Variants in PRRT1B observed in about 807,000 individuals in gnomAD.
PRRT1B encodes the protein dispanin subfamily D member 2.
rs1036388001 is a variant in PRRT1B, at chr9:131,546,942, G to A, written c.25+1302G>A. On this transcript the variant is annotated intron_variant, in intron 1 of 3. Coordinates refer to ENST00000636672, the Ensembl canonical transcript of PRRT1B. ...GGAGAGCTGACTCGCTGAGACCCAC[G>A]TTTCTTGCTGGGAGTCTCGGTTCCC... is the stretch of plus-strand genomic sequence containing the variant. Among the ~76,000 whole-genome samples the A allele has an allele frequency of 2.0e-5, 3 of 152,092 alleles. No individual in the cohort carries two copies. The South Asian group carries it at 6.2e-4, about 32-fold the overall frequency.
At chr9:131,547,349 T>C (rs748714699) in intron 1 of PRRT1B, among the ~76,000 whole-genome samples, 2 of 152,136 alleles carry the variant, frequency 1.3e-5, no homozygotes, top group East Asian at 1.9e-4. Flanking sequence ...CTGCCTTAAC[T>C]GATGACATTA....
Position 131,554,849 on chromosome 9 carries a change from CT to C in PRRT1B, c.319del (p.Tyr107ThrfsTer84). ...TCGGCTTCGTTGGGGAGCCCCCGCC[CT>C]ACGCGCCGCCGGACCCCAAGGCCGC... On this transcript the variant is annotated frameshift_variant, in exon 2 of 4. Transcript: ENST00000636672. LOFTEE classifies it high-confidence loss of function. The C allele has an allele frequency of 2.7e-6, 1 of 373,642 alleles. No homozygotes were observed. The highest frequency in any genetic ancestry group is 4.8e-6 in the Non-Finnish European group (1 of 210,066). 23.1% of individuals were successfully genotyped at this position (373,642 alleles called of 1,614,324 possible). A position where few individuals can be genotyped will look rare whatever the true frequency, so the allele number is the denominator to read the frequency against.
chr9:131,550,831 A>G (rs1344761683), intron 1 of PRRT1B, among the ~76,000 whole-genome samples: 2 of 151,744 alleles, frequency 1.3e-5, no homozygotes, highest in African/African-American at 4.8e-5. Flanking sequence ...TTGGGCACTC[A>G]ATTCTGTCCT....
intron 1 of PRRT1B, 38 bp from the exon 2 acceptor site, chr9:131,554,519 G>A (rs1951033259): frequency 2.6e-6 from 1 of 386,752 alleles, no homozygotes; most frequent in South Asian, 1.3e-4. Flanking sequence ...ACCTAGCCCG[G>A]CGGCCTCTTG....
chr9:131,545,540 G>A (rs898872572), exon 1 of PRRT1B: 11 of 395,062 alleles, frequency 2.8e-5, no homozygotes, highest in African/African-American at 1.9e-4. Context: ...AGCCCGCGGC[G>A]CAAGCGGAGC....
intron 1 of PRRT1B, among the ~76,000 whole-genome samples, chr9:131,548,255 C>T (rs1950988514): frequency 6.6e-6 from 1 of 152,094 alleles, no homozygotes; most frequent in African/African-American, 2.4e-5. Flanking sequence ...ATCCCCCACC[C>T]CTTCTCTCCG....
intron 1 of PRRT1B, among the ~76,000 whole-genome samples, chr9:131,547,719 G>A (rs765534771): frequency 6.6e-6 from 1 of 152,048 alleles, no homozygotes; most frequent in African/African-American, 2.4e-5. Flanking sequence ...CTACGACCTC[G>A]GGTCCTCAGA....
At chr9:131,554,628 C>G (rs1223613151) in exon 2 of PRRT1B, 2 of 394,924 alleles carry the variant, frequency 5.1e-6, no homozygotes, top group African/African-American at 2.1e-5. Flanking sequence ...GCCCGCCGCC[C>G]CCGAGGATCC....
At chr9:131,553,774 G>A (rs982782217) in intron 1 of PRRT1B, among the ~76,000 whole-genome samples, 3 of 152,338 alleles carry the variant, frequency 2.0e-5, no homozygotes, top group South Asian at 2.1e-4. Flanking sequence ...GTCAGGGGAG[G>A]CCACTCTGCG....
intron 2 of PRRT1B, among the ~76,000 whole-genome samples, chr9:131,555,249 T>C (rs1951041431): frequency 6.6e-6 from 1 of 151,954 alleles, no homozygotes; most frequent in Admixed American, 6.6e-5. Context: ...CGCACAGGCG[T>C]GGAGGGGCCG....
chr9:131,552,701 C>T (rs371156469), intron 1 of PRRT1B, among the ~76,000 whole-genome samples: 15 of 149,766 alleles, frequency 1.0e-4, no homozygotes, highest in African/African-American at 3.7e-4. Flanking sequence ...GAGACGGAGT[C>T]TCACTCTGTA....
intron 1 of PRRT1B, among the ~76,000 whole-genome samples, chr9:131,553,589 G>A (rs1412691607): frequency 3.3e-5 from 5 of 152,196 alleles, no homozygotes; most frequent in Non-Finnish European, 7.3e-5. Flanking sequence ...GCCTCCACCC[G>A]TGGGGGACTT....
chr9:131,554,491 C>A (rs150634960), intron 1 of PRRT1B, 66 bp from the exon 2 acceptor site: 147 of 370,060 alleles, frequency 4.0e-4, no homozygotes, highest in African/African-American at 2.8e-3. Context: ...GTGGGAACTG[C>A]GGGACCAGCG....
intron 1 of PRRT1B, among the ~76,000 whole-genome samples, chr9:131,552,493 C>T (rs147126608): frequency 9.0e-4 from 133 of 147,848 alleles, no homozygotes; most frequent in Middle Eastern, 3.4e-3. Flanking sequence ...GTTACAATTC[C>T]CTGGAGAAGG....
chr9:131,550,801 C>G (rs1951005045), intron 1 of PRRT1B, among the ~76,000 whole-genome samples: 1 of 152,160 alleles, frequency 6.6e-6, no homozygotes, highest in Non-Finnish European at 1.5e-5. Context: ...TCTTTTCTGG[C>G]AGGGCTATGC....
At chr9:131,545,581 C>T in exon 1 of PRRT1B, 1 of 397,800 alleles carries the variant, frequency 2.5e-6, no homozygotes. Context: ...GGCCAGGGAG[C>T]CGCGCAGCCC....
intron 3 of PRRT1B, among the ~76,000 whole-genome samples, chr9:131,557,047 C>T (rs1485599919): frequency 6.6e-6 from 1 of 151,922 alleles, no homozygotes; most frequent in African/African-American, 2.4e-5. Context: ...CATCCATCTG[C>T]CTACTCACCC....
At chr9:131,557,105 T>C (rs1951055746) in intron 3 of PRRT1B, among the ~76,000 whole-genome samples, 1 of 151,956 alleles carries the variant, frequency 6.6e-6, no homozygotes, top group Non-Finnish European at 1.5e-5. Flanking sequence ...CATCCATCCA[T>C]CTACTCATCC....
intron 1 of PRRT1B, among the ~76,000 whole-genome samples, chr9:131,548,647 C>T (rs1277514482): frequency 6.6e-6 from 1 of 152,202 alleles, no homozygotes; most frequent in East Asian, 1.9e-4. Context: ...CCTGTCCCCT[C>T]AGTCCCAACC....
Sources: allele counts gnomAD v4.1 joint callset (sites outside exome capture counted in the v4.1 genomes callset), GRCh38; gene constraint gnomAD v4.1.1; transcripts MANE v1.5; gene names NCBI Gene and HGNC (gene_info 2026-07-23, HGNC 2026-07-21).